Variants in VPS33A observed in about 807,000 individuals in gnomAD.
VPS33A encodes the protein vacuolar protein sorting-associated protein 33A.
A neutral mutation model predicts 71.8 loss-of-function variants in VPS33A; 32 were observed. That is an observed-to-expected ratio of 0.45 (90% CI 0.34 to 0.60). The LOEUF (loss-of-function observed/expected upper bound fraction) is 0.60, where lower values mean the gene tolerates loss of function less well. Among genes scored for constraint, VPS33A ranks in the 20% least tolerant of loss-of-function variants. The pLI, the probability that VPS33A is intolerant of heterozygous loss-of-function variation, is 0.02. For missense variants in VPS33A, 625 were observed against 748.5 expected (o/e 0.84, Z 1.92); for synonymous variants, 311 against 292.7 (o/e 1.06, Z -0.64).
chr12:122,237,937 C>A (rs1013022837), intron 10 of VPS33A, among the ~76,000 whole-genome samples: 3 of 151,874 alleles, frequency 2.0e-5, no homozygotes, highest in Non-Finnish European at 4.4e-5. Context: ...GACACAGCCA[C>A]CATGCCTGGT....
intron 6 of VPS33A, among the ~76,000 whole-genome samples, chr12:122,247,772 A>AT (rs1954794460): frequency 6.6e-6 from 1 of 152,290 alleles, no homozygotes; most frequent in Admixed American, 6.5e-5. Flanking sequence ...CCTGTAGCCA[A>AT]TAAGTGGTGA....
intron 4 of VPS33A, among the ~76,000 whole-genome samples, chr12:122,253,881 T>C (rs1233748465): frequency 1.3e-5 from 2 of 152,018 alleles, no homozygotes; most frequent in African/African-American, 2.4e-5. Flanking sequence ...GTGTTTTTAA[T>C]AGAGATGGGG....
At chr12:122,252,583 T>TA (rs139930631) in intron 4 of VPS33A, among the ~76,000 whole-genome samples, 2,885 of 148,744 alleles carry the variant, frequency 0.019, 80 homozygotes, top group African/African-American at 0.066. Flanking sequence ...CCCATCTCTT[T>TA]AAAAAAAAAA....
At chr12:122,266,079 T>C (rs1190575140) in intron 1 of VPS33A, among the ~76,000 whole-genome samples, 1 of 152,214 alleles carries the variant, frequency 6.6e-6, no homozygotes, top group East Asian at 1.9e-4. Context: ...TGGCTTACTC[T>C]GCTCTCACAA....
At chr12:122,245,618 G>A (rs997801455) in intron 6 of VPS33A, among the ~76,000 whole-genome samples, 2 of 151,994 alleles carry the variant, frequency 1.3e-5, no homozygotes, top group Non-Finnish European at 2.9e-5. Flanking sequence ...TAATTTTCTT[G>A]TATTTTTAGT....
intron 10 of VPS33A, among the ~76,000 whole-genome samples, chr12:122,237,376 A>C (rs974158130): frequency 9.9e-5 from 15 of 152,140 alleles, no homozygotes; most frequent in Non-Finnish European, 5.9e-5. Flanking sequence ...TGAGTTACCT[A>C]AACTAGTCTG....
At chr12:122,243,537 C>A (rs1954741116) in intron 7 of VPS33A, among the ~76,000 whole-genome samples, 1 of 152,338 alleles carries the variant, frequency 6.6e-6, no homozygotes, top group South Asian at 2.1e-4. Context: ...CTGTGCCTGG[C>A]CTGAACCTTA....
At chr12:122,257,514 C>T (rs549487882) in intron 4 of VPS33A, among the ~76,000 whole-genome samples, 32 of 144,078 alleles carry the variant, frequency 2.2e-4, no homozygotes, top group Non-Finnish European at 4.5e-4. Context: ...TCTACTAATA[C>T]ACAAAAAAAT....
chr12:122,265,589 G>C lies in VPS33A; in HGVS notation c.102+718C>G, dbSNP rs145506628. The C allele has an allele frequency of 1.4e-4, 47 of 337,382 alleles. 1 individual carries two copies. In the East Asian group the frequency reaches 2.3e-3, roughly 16 times the overall value. 20.9% of individuals were successfully genotyped at this position (337,382 alleles called of 1,614,324 possible). On this transcript the variant is annotated intron_variant, in intron 1 of 12. Coordinates refer to ENST00000267199, the MANE Select transcript of VPS33A (RefSeq NM_022916.6). ...TTCTGAATTGAAACTGGGCCCCTAT[G>C]ATGTAGACTGCTTTCTTCTCTCAAA...
intron 9 of VPS33A, among the ~76,000 whole-genome samples, chr12:122,239,363 A>G (rs1450068378): frequency 6.6e-6 from 1 of 152,256 alleles, no homozygotes; most frequent in Non-Finnish European, 1.5e-5. Flanking sequence ...TGTATGGCAG[A>G]AAGTGTCTTG....
intron 8 of VPS33A, among the ~76,000 whole-genome samples, chr12:122,241,713 C>T (rs1399399855): frequency 1.3e-5 from 2 of 151,694 alleles, no homozygotes; most frequent in Non-Finnish European, 2.9e-5. Flanking sequence ...ATGCCTCAAC[C>T]TCCTGAGTAG....
chr12:122,230,814 AAC>A lies in VPS33A; in HGVS notation c.*1430_*1431del, dbSNP rs1385862787. ...AAGATGGAGGAGCAGAGGGGCAGAG[AAC>A]ACACGGATTTTCAACTTCTCCTCCA... On this transcript the variant is annotated 3_prime_UTR_variant, in exon 13 of 13. Transcript: ENST00000267199. The A allele has an allele frequency of 6.6e-6, 1 of 152,078 alleles. No individual in the cohort carries two copies. Among genetic ancestry groups the A allele is most frequent in the Non-Finnish European group, 1.5e-5 (1 of 68,020 alleles). 9.4% of individuals were successfully genotyped at this position (152,078 alleles called of 1,614,324 possible).
chr12:122,264,089 T>G, intron 2 of VPS33A, 45 bp downstream of exon 2: 1 of 1,439,790 alleles, frequency 6.9e-7, no homozygotes. Flanking sequence ...ACTGCTAAAG[T>G]ACAGAATTAT....
chr12:122,247,643 T>C lies in VPS33A; in HGVS notation c.775+2228A>G, dbSNP rs149294203. 3.4e-3 allele frequency among the ~76,000 whole-genome samples: 518 copies of C among 152,304 alleles called. 2 individuals carry two copies. The highest frequency in any genetic ancestry group is 0.012 in the African/African-American group (488 of 41,562). ...ATCCATTCTTGTGGTAAATTGCACA[T>C]AATATAAAAATTACTACTTTGTTTT... On this transcript the variant is annotated intron_variant, in intron 6 of 12. Coordinates refer to ENST00000267199, the MANE Select transcript of VPS33A (RefSeq NM_022916.6).
At chr12:122,238,238 T>TGA (rs2136125352) in intron 10 of VPS33A, among the ~76,000 whole-genome samples, 1 of 152,314 alleles carries the variant, frequency 6.6e-6, no homozygotes, top group Non-Finnish European at 1.5e-5. Context: ...TATTATTTTT[T>TGA]GAGACAGAGT....
chr12:122,245,063 T>G (rs759580055), intron 6 of VPS33A, among the ~76,000 whole-genome samples: 1 of 152,194 alleles, frequency 6.6e-6, no homozygotes. Flanking sequence ...GATCTCCCCA[T>G]TGACTTTTAG....
rs1593191152 is a variant in VPS33A, at chr12:122,232,353, G to A, written c.1684C>T (p.Arg562Ter). The A allele has an allele frequency of 2.5e-6, 4 of 1,614,062 alleles. No homozygotes were observed. The highest frequency in any genetic ancestry group is 2.2e-5 in the East Asian group (1 of 44,878). ...CCATCTTCCAACTGGGAGAGAAATC[G>A]CAGGGCAGCAATTTCAGCGAAGGTT... The part of the protein sequence containing the change: ...GVTFAEIAAL[R>*]FLSQLEDGGT... The change falls in exon 13 of 13, where the codon CGA (arginine) becomes TGA (stop). Residue 562 changes from arginine to a stop codon, truncating the protein, a stop_gained. Coordinates refer to ENST00000267199, the MANE Select transcript of VPS33A (RefSeq NM_022916.6). LOFTEE classifies it high-confidence loss of function.
chr12:122,243,401 TAA>T (rs11443213), intron 7 of VPS33A, among the ~76,000 whole-genome samples: 3 of 144,990 alleles, frequency 2.1e-5, no homozygotes, highest in Admixed American at 1.4e-4. Flanking sequence ...CCCAGCTAGT[TAA>T]AAAAAAAAAA....
In VPS33A at chr12:122,235,779, G is replaced by A; in HGVS notation, c.1440+7C>T. The stretch of plus-strand genomic sequence containing the variant: ...AAGCTGAGACGAGGTGGAGAAGTGT[G>A]GCTTACTTGCTCATTAACATCATCC... On this transcript the variant is annotated splice_region_variant and intron_variant, in intron 11 of 12. Coordinates refer to ENST00000267199, the MANE Select transcript of VPS33A (RefSeq NM_022916.6). 3 of 1,608,384 alleles carry A rather than the reference G, an allele frequency of 1.9e-6. No individual in the cohort carries two copies. Among genetic ancestry groups the A allele is most frequent in the Non-Finnish European group, 1.7e-6 (2 of 1,176,844 alleles).
Sources: gnomAD v4.1 joint callset for allele counts (sites outside exome capture counted in the v4.1 genomes callset) on GRCh38, gnomAD v4.1.1 for gene constraint, MANE v1.5 for transcripts, NCBI Gene and HGNC (gene_info 2026-07-23, HGNC 2026-07-21) for gene names.